Variants in PTPRN2 observed in about 807,000 individuals in gnomAD.
PTPRN2 encodes protein tyrosine phosphatase receptor type N2.
Under a neutral mutation model 118.8 loss-of-function variants are expected in PTPRN2, and 74 were observed. That is an observed-to-expected ratio of 0.62 (90% CI 0.52 to 0.76). PTPRN2 has a LOEUF of 0.76. Ranked by LOEUF, PTPRN2 falls within the 30% of genes least tolerant of loss-of-function variation. The pLI is 0.00. For missense variants in PTPRN2, 1,481 were observed against 1,394.4 expected (o/e 1.06, Z -0.99); for synonymous variants, 641 against 608.0 (o/e 1.05, Z -0.80).
chr7:158,534,584 C>G (rs1825526928), intron 1 of PTPRN2, among the ~76,000 whole-genome samples: 1 of 152,146 alleles, frequency 6.6e-6, no homozygotes, highest in Non-Finnish European at 1.5e-5. Context: ...TGCCGTACCC[C>G]AAGAGCCTCC....
At chr7:157,653,878 A>G (rs1311508212) in intron 14 of PTPRN2, among the ~76,000 whole-genome samples, 1 of 49,404 alleles carries the variant, frequency 2.0e-5, no homozygotes, top group African/African-American at 8.4e-5. Context: ...ATGCCCGCTG[A>G]TCCCCACACC....
rs116719903 is a variant in PTPRN2 at position 158,103,243 on chromosome 7, C to A, written c.1643+7586G>T. 2.5e-3 allele frequency among the ~76,000 whole-genome samples: 384 copies of A among 152,230 alleles called. 2 individuals are homozygous for A. The highest frequency in any genetic ancestry group is 8.9e-3 in the African/African-American group (368 of 41,524). The stretch of plus-strand genomic sequence containing the variant: ...CTAAAACTAGGCGCCTTCCTGGGGG[C>A]CATAGGGAGGGATAGTGCCAAAGAT... On this transcript the variant is annotated intron_variant, in intron 10 of 22. Coordinates refer to ENST00000389418, the MANE Select transcript of PTPRN2 (RefSeq NM_002847.5).
chr7:157,915,878 A>C (rs1798367418), intron 11 of PTPRN2, among the ~76,000 whole-genome samples: 1 of 152,100 alleles, frequency 6.6e-6, no homozygotes, highest in African/African-American at 2.4e-5. Flanking sequence ...GGTGAGTCCC[A>C]ATATTTGTTT....
intron 3 of PTPRN2, among the ~76,000 whole-genome samples, chr7:158,247,673 A>G (rs1796346457): frequency 6.6e-6 from 1 of 152,028 alleles, no homozygotes; most frequent in Admixed American, 6.6e-5. Context: ...CTGGAGTGCT[A>G]TGGTGCGATC....
intron 2 of PTPRN2, among the ~76,000 whole-genome samples, chr7:158,412,952 C>A (rs564322896): frequency 1.8e-4 from 26 of 148,434 alleles, no homozygotes; most frequent in Non-Finnish European, 3.1e-4. Flanking sequence ...AGCACCAGGG[C>A]CCATCTCAGC....
chr7:158,054,041 C>T lies in PTPRN2; in HGVS notation c.1723+27257G>A, dbSNP rs149855991. ...CGCAGAGACTCCAGAGATGCAGAGA[C>T]CCCAGAGATGCAGAGATCCTAGAGA... On this transcript the variant is annotated intron_variant, in intron 11 of 22. Coordinates refer to ENST00000389418, the MANE Select transcript of PTPRN2 (RefSeq NM_002847.5). Among the ~76,000 whole-genome samples the T allele has an allele frequency of 1.7e-3, 244 of 146,790 alleles. 7 individuals are homozygous for T. Among genetic ancestry groups the T allele is most frequent in the African/African-American group, 6.2e-3 (234 of 37,664 alleles).
intron 10 of PTPRN2, among the ~76,000 whole-genome samples, chr7:158,098,832 T>C (rs1004243698): frequency 6.7e-6 from 1 of 149,330 alleles, no homozygotes; most frequent in Non-Finnish European, 1.5e-5. Flanking sequence ...AAGGAAGCAG[T>C]GGGGGACGGG....
rs147928630 is a variant in PTPRN2, at chr7:158,107,891, A to C, written c.1643+2938T>G. On this transcript the variant is annotated intron_variant, in intron 10 of 22. Coordinates refer to ENST00000389418, the MANE Select transcript of PTPRN2 (RefSeq NM_002847.5). ...GGATCCCTGCACACCGTCTGCCCAC[A>C]GCAGGCCCATGTACCTGCCCCCTCT... 9.6e-3 allele frequency among the ~76,000 whole-genome samples: 1,312 copies of C among 136,122 alleles called. 12 individuals carry two copies. Among genetic ancestry groups the C allele is most frequent in the Non-Finnish European group, 0.016 (992 of 63,598 alleles). The allele number at this position is 136,122 out of a possible 152,430, so 89.3% of individuals were successfully genotyped here.
chr7:158,167,359 C>T, intron 5 of PTPRN2, 68 bp from the exon 6 acceptor site: 3 of 1,517,174 alleles, frequency 2.0e-6, no homozygotes, highest in Non-Finnish European at 2.6e-6. Context: ...CACCAAGATG[C>T]CCTTCAGTCT....
chr7:158,154,016 C>T (rs1182623149), intron 6 of PTPRN2, among the ~76,000 whole-genome samples: 1 of 152,164 alleles, frequency 6.6e-6, no homozygotes, highest in Admixed American at 6.5e-5. Context: ...TGGGAGGGTT[C>T]GTTCAAGGTG....
At chr7:158,443,199 C>T (rs1398408981) in intron 2 of PTPRN2, among the ~76,000 whole-genome samples, 7 of 152,114 alleles carry the variant, frequency 4.6e-5, no homozygotes, top group African/African-American at 1.7e-4. Flanking sequence ...GAGGCAGGAG[C>T]GGAGGCTGCG....
chr7:157,628,007 C>T (rs1399259888), intron 14 of PTPRN2, among the ~76,000 whole-genome samples: 2 of 152,204 alleles, frequency 1.3e-5, no homozygotes, highest in African/African-American at 4.8e-5. Flanking sequence ...ATCCATCCTG[C>T]CAGTCCCTGT....
At chr7:157,600,642 C>T (rs1801617893) in intron 16 of PTPRN2, among the ~76,000 whole-genome samples, 1 of 152,236 alleles carries the variant, frequency 6.6e-6, no homozygotes, top group East Asian at 1.9e-4. Flanking sequence ...CTTCTGAACT[C>T]AAGTGATTCG....
chr7:157,756,053 T>C (rs1485214085), intron 12 of PTPRN2, among the ~76,000 whole-genome samples: 1 of 152,158 alleles, frequency 6.6e-6, no homozygotes, highest in Non-Finnish European at 1.5e-5. Context: ...ATGGGTAGGA[T>C]TTGTACCACT....
chr7:157,588,273 G>A (rs897563039), intron 17 of PTPRN2, among the ~76,000 whole-genome samples: 4 of 152,238 alleles, frequency 2.6e-5, no homozygotes, highest in Admixed American at 1.3e-4. Context: ...GGGGGATGGC[G>A]GGTGGCCAAC....
chr7:158,144,291 T>C (rs1239997129), intron 6 of PTPRN2, among the ~76,000 whole-genome samples: 4 of 152,154 alleles, frequency 2.6e-5, no homozygotes, highest in Non-Finnish European at 4.4e-5. Flanking sequence ...GGCCAGGGTA[T>C]TCAATTCAGA....
At chr7:158,562,901 G>A (rs1350080529) in intron 1 of PTPRN2, among the ~76,000 whole-genome samples, 2 of 152,224 alleles carry the variant, frequency 1.3e-5, no homozygotes, top group East Asian at 3.8e-4. Flanking sequence ...ATCATGCTGA[G>A]TGCAGGCCCT....
chr7:158,205,397 C>T, intron 3 of PTPRN2, 124 bp from the exon 4 acceptor site: 1 of 671,174 alleles, frequency 1.5e-6, no homozygotes, highest in Non-Finnish European at 2.7e-6. Flanking sequence ...AAGTAAGCCT[C>T]CCTCTCACTG....
chr7:158,279,179 T>C (rs1430954235), intron 3 of PTPRN2, among the ~76,000 whole-genome samples: 1 of 152,162 alleles, frequency 6.6e-6, no homozygotes, highest in Non-Finnish European at 1.5e-5. Flanking sequence ...TGCTGATTGG[T>C]CCATTTTACA....
Sources: gnomAD v4.1 joint callset for allele counts (sites outside exome capture counted in the v4.1 genomes callset) on GRCh38, gnomAD v4.1.1 for gene constraint, MANE v1.5 for transcripts, NCBI Gene and HGNC (gene_info 2026-07-23, HGNC 2026-07-21) for gene names.